DUSP22: variants seen among roughly 807,000 people sequenced by gnomAD.
DUSP22 encodes dual specificity phosphatase 22.
A neutral mutation model predicts 24.5 loss-of-function variants in DUSP22; 24 were observed. That is an observed-to-expected ratio of 0.98 (90% CI 0.71 to 1.38). DUSP22 has a LOEUF of 1.38. Ranked by LOEUF, DUSP22 falls within the 40% of genes most tolerant of loss-of-function variation. The pLI, the probability that DUSP22 is intolerant of heterozygous loss-of-function variation, is 0.00. For missense variants in DUSP22, 330 were observed against 269.2 expected, an observed-to-expected ratio of 1.23 and a Z score of -1.58; for synonymous variants, 160 against 106.4, an observed-to-expected ratio of 1.50 and a Z score of -3.10.
At chr6:322,839 G>T (rs1276951181) in intron 3 of DUSP22, among the ~76,000 whole-genome samples, 23 of 149,006 alleles carry the variant, frequency 1.5e-4, no homozygotes, top group South Asian at 2.1e-4. Context: ...GTGGGGCGGG[G>T]GGGGGCCTTC....
chr6:339,494 A>G (rs1759503982), intron 4 of DUSP22, among the ~76,000 whole-genome samples: 3 of 152,306 alleles, frequency 2.0e-5, no homozygotes, highest in Non-Finnish European at 4.4e-5. Context: ...TTGCTTTAAT[A>G]TATATTACAT....
rs559746234 is a variant in DUSP22 at position 339,614 on chromosome 6, A to G, written c.188+4451A>G. Among the ~76,000 whole-genome samples the G allele has an allele frequency of 2.7e-4, 41 of 152,388 alleles. No homozygotes were observed. In the South Asian group the frequency reaches 8.1e-3, roughly 30 times the overall value. On this transcript the variant is annotated intron_variant, in intron 4 of 6. Transcript: ENST00000419235. ...CTGCCAGGCTATGGAGTCGGTATACATCATTGCAGTAGCGCCTTTGTGACA... is the reference window on the plus strand; with the variant it reads ...CTGCCAGGCTATGGAGTCGGTATACGTCATTGCAGTAGCGCCTTTGTGACA...
At position 350,936 on chromosome 6, in the gene DUSP22, A is replaced by C; in HGVS notation, c.*1985A>C. ...GGCTGGTGCTGCCAAAAAGAAAAGCAACATAGAGTTTAAGTATCCAGTAGT... is the reference window on the plus strand; with the variant it reads ...GGCTGGTGCTGCCAAAAAGAAAAGCCACATAGAGTTTAAGTATCCAGTAGT... On this transcript the variant is annotated 3_prime_UTR_variant, in exon 7 of 7. Coordinates refer to ENST00000419235, the MANE Select transcript of DUSP22 (RefSeq NM_001286555.3). The C allele has an allele frequency of 6.2e-7, 1 of 1,602,648 alleles. No homozygotes were observed. The highest frequency in any genetic ancestry group is 8.5e-7 in the Non-Finnish European group (1 of 1,170,480).
rs1759815907 is a variant in DUSP22 at position 345,399 on chromosome 6, A to G, written c.189-455A>G. ...TAATTTTTGTATTTTTAGTAGAGAC[A>G]GGGTTTCACCATGTTGGCCAGGCTG... On this transcript the variant is annotated intron_variant, in intron 4 of 6. Coordinates refer to ENST00000419235, the MANE Select transcript of DUSP22 (RefSeq NM_001286555.3). Among the ~76,000 whole-genome samples, 3 of 152,278 alleles carry G rather than the reference A, an allele frequency of 2.0e-5. No individual in the cohort carries two copies. The South Asian group carries it at 6.2e-4, about 31-fold the overall frequency.
chr6:296,334 T>C (rs1167923996), intron 1 of DUSP22, among the ~76,000 whole-genome samples: 2 of 152,306 alleles, frequency 1.3e-5, no homozygotes, highest in Admixed American at 6.5e-5. Context: ...GATCCTGTTA[T>C]TTTCATGCCT....
chr6:312,488 C>T (rs1454358292), intron 3 of DUSP22, among the ~76,000 whole-genome samples: 3 of 152,308 alleles, frequency 2.0e-5, no homozygotes, highest in African/African-American at 7.2e-5. Flanking sequence ...CAGGGTGTGT[C>T]TGCTTGTGCA....
chr6:335,703 C>A (rs1386667563), intron 4 of DUSP22, among the ~76,000 whole-genome samples: 1 of 152,424 alleles, frequency 6.6e-6, no homozygotes, highest in Non-Finnish European at 1.5e-5. Context: ...GTCCTTCTTT[C>A]ATACGAAGTC....
chr6:348,339 T>C, intron 6 of DUSP22, 65 bp downstream of exon 6: 1 of 1,600,410 alleles, frequency 6.2e-7, no homozygotes. Context: ...CCACAGTCTT[T>C]CCGTACACAG....
At chr6:315,613 C>T (rs1370382809) in intron 3 of DUSP22, among the ~76,000 whole-genome samples, 1 of 152,308 alleles carries the variant, frequency 6.6e-6, no homozygotes, top group African/African-American at 2.4e-5. Flanking sequence ...TATGAAAGTG[C>T]CTTTCCCTGC....
intron 3 of DUSP22, among the ~76,000 whole-genome samples, chr6:318,008 G>C (rs750076069): frequency 6.6e-6 from 1 of 152,306 alleles, no homozygotes; most frequent in Non-Finnish European, 1.5e-5. Flanking sequence ...GGATCGGTTA[G>C]TGCAATGCAG....
chr6:300,046 A>G (rs1169579943), intron 1 of DUSP22, among the ~76,000 whole-genome samples: 1 of 152,308 alleles, frequency 6.6e-6, no homozygotes, highest in Non-Finnish European at 1.5e-5. Flanking sequence ...TACAGGCAGC[A>G]GGTAGAGATC....
intron 1 of DUSP22, among the ~76,000 whole-genome samples, chr6:296,403 G>T (rs1283399462): frequency 6.6e-6 from 1 of 152,300 alleles, no homozygotes; most frequent in Admixed American, 6.5e-5. Flanking sequence ...CTGGTGAGTA[G>T]CAGAGCCTGG....
chr6:304,278 G>A (rs1188191789), intron 1 of DUSP22, among the ~76,000 whole-genome samples: 2 of 152,308 alleles, frequency 1.3e-5, no homozygotes, highest in Admixed American at 6.5e-5. Context: ...TGTGTGCAGT[G>A]GCCTCGTGCA....
At chr6:327,039 A>G (rs1463156484) in intron 3 of DUSP22, among the ~76,000 whole-genome samples, 1 of 152,294 alleles carries the variant, frequency 6.6e-6, no homozygotes, top group Non-Finnish European at 1.5e-5. Context: ...AGCCTCCACC[A>G]TGAGGTGAGG....
intron 3 of DUSP22, among the ~76,000 whole-genome samples, chr6:329,137 G>T (rs1421479000): frequency 2.6e-5 from 4 of 152,310 alleles, no homozygotes; most frequent in African/African-American, 9.6e-5. Flanking sequence ...CATCAAACCT[G>T]CAGGGTGCCT....
At chr6:328,381 G>A (rs558484249) in intron 3 of DUSP22, among the ~76,000 whole-genome samples, 2 of 152,420 alleles carry the variant, frequency 1.3e-5, no homozygotes, top group East Asian at 3.9e-4. Flanking sequence ...CATTCTGACC[G>A]TGCCCACTTT....
intron 4 of DUSP22, among the ~76,000 whole-genome samples, chr6:340,434 G>A (rs1273121077): frequency 2.0e-5 from 3 of 152,302 alleles, no homozygotes; most frequent in Non-Finnish European, 4.4e-5. Flanking sequence ...ATTTCTGCCC[G>A]AAGAGGAAGC....
In DUSP22 at chr6:349,058, G is replaced by A. The variant is rs942351873; in HGVS notation, c.*107G>A. 5 of 1,484,216 alleles carry A rather than the reference G, an allele frequency of 3.4e-6. No individual in the cohort carries two copies. Among genetic ancestry groups the A allele is most frequent in the Non-Finnish European group, 4.5e-6 (5 of 1,117,338 alleles). 91.9% of individuals were successfully genotyped at this position (1,484,216 alleles called of 1,614,324 possible). A position where few individuals can be genotyped will look rare whatever the true frequency, so the allele number is the denominator to read the frequency against. On this transcript the variant is annotated 3_prime_UTR_variant, in exon 7 of 7. Coordinates refer to ENST00000419235, the MANE Select transcript of DUSP22 (RefSeq NM_001286555.3). ...GAGGACAGGAAAGGGAGATAGCCAG[G>A]GCGAGGTGGGGCGAGGGCTCCTTCC...
rs1760189415 is a variant in DUSP22, at chr6:351,072, G to C, written c.*2121G>C. ...AAAATATTTTCCCCTTATCCCCACT[G>C]CTGTGGAGGTTTCTGTACCTCGCTT... On this transcript the variant is annotated 3_prime_UTR_variant, in exon 7 of 7. Transcript: ENST00000419235. 1 of 807,150 alleles carries C rather than the reference G, an allele frequency of 1.2e-6. No individual in the cohort carries two copies. The highest frequency in any genetic ancestry group is 2.8e-5 in the East Asian group (1 of 35,652). 50.0% of individuals were successfully genotyped at this position (807,150 alleles called of 1,614,324 possible).
Sources: allele counts gnomAD v4.1 joint callset (sites outside exome capture counted in the v4.1 genomes callset), GRCh38; gene constraint gnomAD v4.1.1; transcripts MANE v1.5; gene names NCBI Gene and HGNC (gene_info 2026-07-23, HGNC 2026-07-21).